The following SCAMP1 variants were observed in gnomAD, a reference collection of about 807,000 sequenced individuals.
SCAMP1 encodes the protein secretory carrier membrane protein 1.
Under a neutral mutation model 41.8 loss-of-function variants are expected in SCAMP1, and 15 were observed. That is an observed-to-expected ratio of 0.36 (90% CI 0.24 to 0.55). The LOEUF is 0.55. SCAMP1 is among the 20% of genes least tolerant of loss of function. The probability of loss-of-function intolerance (pLI) is 0.86; values close to 1 mark genes in which losing one functional copy is unlikely to be tolerated. For synonymous variants in SCAMP1, 135 were observed against 136.8 expected, an observed-to-expected ratio of 0.99 and a Z score of 0.09; for missense variants, 341 against 412.6, an observed-to-expected ratio of 0.83 and a Z score of 1.50.
intron 8 of SCAMP1, among the ~76,000 whole-genome samples, chr5:78,460,593 T>C (rs866526531): frequency 6.7e-6 from 1 of 150,014 alleles, no homozygotes; most frequent in African/African-American, 2.4e-5. Context: ...TTTAATGGGG[T>C]TTTTTTTTTC....
intron 6 of SCAMP1, among the ~76,000 whole-genome samples, chr5:78,449,233 C>A (rs1308859340): frequency 6.6e-6 from 1 of 151,792 alleles, no homozygotes; most frequent in Non-Finnish European, 1.5e-5. Context: ...TAATAAAAAA[C>A]TAGAAACAAC....
At chr5:78,458,777 G>A (rs1220115041) in intron 7 of SCAMP1, among the ~76,000 whole-genome samples, 1 of 152,170 alleles carries the variant, frequency 6.6e-6, no homozygotes, top group Non-Finnish European at 1.5e-5. Flanking sequence ...CTACTCAGGA[G>A]GCTGAGGTAG....
intron 2 of SCAMP1, among the ~76,000 whole-genome samples, chr5:78,403,205 T>A (rs1329729577): frequency 6.6e-6 from 1 of 152,154 alleles, no homozygotes; most frequent in South Asian, 2.1e-4. Context: ...TTTATATGAT[T>A]ATAATTTATC....
intron 1 of SCAMP1, among the ~76,000 whole-genome samples, chr5:78,374,395 G>C (rs1418714419): frequency 6.6e-6 from 1 of 151,962 alleles, no homozygotes; most frequent in Non-Finnish European, 1.5e-5. Flanking sequence ...GGAGTGACAG[G>C]ACTTGGAATA....
At chr5:78,400,562 A>T (rs916596213) in intron 2 of SCAMP1, among the ~76,000 whole-genome samples, 6 of 152,214 alleles carry the variant, frequency 3.9e-5, no homozygotes, top group African/African-American at 1.4e-4. Context: ...CACATATAGA[A>T]TGTATACATA....
chr5:78,413,396 G>C (rs959015634), intron 2 of SCAMP1, among the ~76,000 whole-genome samples: 2 of 145,990 alleles, frequency 1.4e-5, no homozygotes, highest in Middle Eastern at 3.6e-3. Context: ...TCTTCAAAAT[G>C]GTTTGACCTG....
At chr5:78,400,533 C>A (rs1213331280) in intron 2 of SCAMP1, among the ~76,000 whole-genome samples, 1 of 152,114 alleles carries the variant, frequency 6.6e-6, no homozygotes, top group Admixed American at 6.5e-5. Context: ...TGATTTCTTT[C>A]ATCAGTTTTG....
chr5:78,469,792 G>T lies in SCAMP1; in HGVS notation c.853-5712G>T, dbSNP rs1395495251. ...ACCTGTAATTCTAGCACTTTGGGAG[G>T]GTTTGGGGGGCCGAGGCAAGAAGAT... On this transcript the variant is annotated intron_variant, in intron 8 of 8. Coordinates refer to ENST00000621999, the MANE Select transcript of SCAMP1 (RefSeq NM_004866.6). Among the ~76,000 whole-genome samples the T allele has an allele frequency of 2.7e-4, 40 of 149,724 alleles. No homozygotes were observed. The Admixed American group carries it at 2.7e-3, about 10-fold the overall frequency.
chr5:78,457,640 T>C (rs1753454203), intron 7 of SCAMP1, among the ~76,000 whole-genome samples: 1 of 152,222 alleles, frequency 6.6e-6, no homozygotes, highest in African/African-American at 2.4e-5. Context: ...GACTTTTTGT[T>C]TGTCTGTGCC....
chr5:78,430,687 C>CTT (rs1752599286), intron 6 of SCAMP1, among the ~76,000 whole-genome samples: 2 of 151,804 alleles, frequency 1.3e-5, no homozygotes, highest in Admixed American at 6.6e-5. Context: ...GTCTTTTGGG[C>CTT]AAATTATTAG....
At chr5:78,387,833 G>A (rs1435343205) in intron 1 of SCAMP1, among the ~76,000 whole-genome samples, 1 of 152,190 alleles carries the variant, frequency 6.6e-6, no homozygotes, top group Non-Finnish European at 1.5e-5. Context: ...GTCAGCCATG[G>A]ATACCAACAC....
intron 2 of SCAMP1, among the ~76,000 whole-genome samples, chr5:78,412,378 G>A (rs1342725377): frequency 1.3e-5 from 2 of 150,018 alleles, no homozygotes; most frequent in Admixed American, 6.6e-5. Flanking sequence ...TTTTTGTCTT[G>A]TTTTGTTTTT....
At chr5:78,437,154 T>A (rs912905566) in intron 6 of SCAMP1, among the ~76,000 whole-genome samples, 3 of 152,174 alleles carry the variant, frequency 2.0e-5, no homozygotes, top group Admixed American at 6.5e-5. Flanking sequence ...TATACAATCA[T>A]GTCATCTGCA....
In SCAMP1 at chr5:78,475,887, C is replaced by T. The variant is rs1753992273; in HGVS notation, c.*219C>T. ...CCCCTTGCAGAAAAAATATTACATG[C>T]TAAATAAATATTCTCCATATTTTTG... is the stretch of plus-strand genomic sequence containing the variant. On this transcript the variant is annotated 3_prime_UTR_variant, in exon 9 of 9. Coordinates refer to ENST00000621999, the MANE Select transcript of SCAMP1 (RefSeq NM_004866.6). 2 of 291,166 alleles carry T rather than the reference C, an allele frequency of 6.9e-6. No homozygotes were observed. The highest frequency in any genetic ancestry group is 1.0e-4 in the Admixed American group (2 of 19,874). 18.0% of individuals were successfully genotyped at this position (291,166 alleles called of 1,614,324 possible).
intron 1 of SCAMP1, among the ~76,000 whole-genome samples, chr5:78,362,167 G>T (rs1025661290): frequency 3.9e-5 from 6 of 152,156 alleles, no homozygotes; most frequent in African/African-American, 1.4e-4. Context: ...GTTCTTAAAT[G>T]GTAGACTTTC....
intron 4 of SCAMP1, among the ~76,000 whole-genome samples, chr5:78,417,799 A>G (rs1232514863): frequency 5.9e-5 from 9 of 152,300 alleles, no homozygotes; most frequent in East Asian, 1.9e-4. Flanking sequence ...TGAGATTGGT[A>G]TGAGAAATGA....
chr5:78,444,501 C>T (rs1753007688), intron 6 of SCAMP1, among the ~76,000 whole-genome samples: 1 of 152,164 alleles, frequency 6.6e-6, no homozygotes, highest in Admixed American at 6.5e-5. Context: ...TACTTGCCAC[C>T]AGGTCCCTCC....
intron 6 of SCAMP1, among the ~76,000 whole-genome samples, chr5:78,433,268 G>T (rs1302306657): frequency 6.6e-6 from 1 of 152,106 alleles, no homozygotes; most frequent in African/African-American, 2.4e-5. Flanking sequence ...TTGACAGTGT[G>T]TCTTTTTTTT....
At chr5:78,423,491 A>G (rs1011423732) in intron 6 of SCAMP1, among the ~76,000 whole-genome samples, 1 of 152,084 alleles carries the variant, frequency 6.6e-6, no homozygotes, top group Admixed American at 6.6e-5. Flanking sequence ...CCATCACATT[A>G]CCAATATGTT....
Sources: allele counts gnomAD v4.1 joint callset (sites outside exome capture counted in the v4.1 genomes callset), GRCh38; gene constraint gnomAD v4.1.1; transcripts MANE v1.5; gene names NCBI Gene and HGNC (gene_info 2026-07-23, HGNC 2026-07-21).